TRPC4AP: variants seen among roughly 807,000 people sequenced by gnomAD.
TRPC4AP encodes the protein transient receptor potential cation channel subfamily C member 4 associated protein, also known as short transient receptor potential channel 4-associated protein.
TRPC4AP carries 45 observed loss-of-function variants against 99.0 expected under a neutral mutation model. The ratio of observed to expected loss-of-function variants is 0.45; its 90% CI spans 0.36 to 0.58. The LOEUF is 0.58. Ranked by LOEUF, TRPC4AP falls within the 20% of genes least tolerant of loss-of-function variation. The pLI is 0.00. For missense variants in TRPC4AP, 879 were observed against 985.3 expected (o/e 0.89, Z 1.44); for synonymous variants, 408 against 385.8 (o/e 1.06, Z -0.67).
At chr20:35,060,585 CAAAAAAA>C (rs35143678) in intron 3 of TRPC4AP, among the ~76,000 whole-genome samples, 49 of 70,384 alleles carry the variant, frequency 7.0e-4, no homozygotes, top group East Asian at 1.7e-3. Context: ...ACCTTGTCTC[CAAAAAAA>C]AAAAAAAAAA....
chr20:35,048,227 T>TAG (rs2083605836), intron 6 of TRPC4AP, among the ~76,000 whole-genome samples: 1 of 151,412 alleles, frequency 6.6e-6, no homozygotes, highest in Non-Finnish European at 1.5e-5. Flanking sequence ...TTTTTTTTTT[T>TAG]TTGAGAGGGA....
intron 10 of TRPC4AP, among the ~76,000 whole-genome samples, chr20:35,014,493 C>G (rs1352849408): frequency 2.6e-5 from 4 of 151,926 alleles, no homozygotes; most frequent in Non-Finnish European, 5.9e-5. Flanking sequence ...AAGACCCAAA[C>G]ACAAGCATTA....
chr20:35,043,825 C>A (rs140825259), intron 7 of TRPC4AP, among the ~76,000 whole-genome samples: 1 of 152,076 alleles, frequency 6.6e-6, no homozygotes, highest in Admixed American at 6.6e-5. Context: ...CAGTTGACCA[C>A]GGATAACTGA....
chr20:35,012,175 G>A (rs575735128), intron 11 of TRPC4AP, among the ~76,000 whole-genome samples: 113 of 152,248 alleles, frequency 7.4e-4, no homozygotes, highest in Middle Eastern at 3.2e-3. Context: ...GCTTTCAGCC[G>A]GAAAACCTCT....
intron 7 of TRPC4AP, among the ~76,000 whole-genome samples, chr20:35,037,769 T>A (rs185250102): frequency 6.6e-6 from 1 of 152,290 alleles, no homozygotes; most frequent in African/African-American, 2.4e-5. Context: ...TAATACTGTA[T>A]TTTTACTATA....
At chr20:35,075,390 TG>T (rs1569146320) in intron 2 of TRPC4AP, among the ~76,000 whole-genome samples, 10 of 152,354 alleles carry the variant, frequency 6.6e-5, no homozygotes, top group Middle Eastern at 3.4e-3. Context: ...TTGCAGTAGT[TG>T]GTATCGGTTG....
intron 8 of TRPC4AP, among the ~76,000 whole-genome samples, chr20:35,032,467 C>CTTTT (rs35808832): frequency 2.0e-4 from 19 of 95,218 alleles, no homozygotes; most frequent in South Asian, 1.1e-3. Context: ...GTTCTTTGAT[C>CTTTT]TTTTTTTTTT....
chr20:35,035,363 C>T, intron 7 of TRPC4AP, 55 bp from the exon 8 acceptor site: 1 of 1,543,690 alleles, frequency 6.5e-7, no homozygotes, highest in Non-Finnish European at 8.8e-7. Context: ...AGCAAAACTA[C>T]CCCTAAAGCC....
intron 6 of TRPC4AP, among the ~76,000 whole-genome samples, chr20:35,047,796 C>T (rs1164206075): frequency 6.6e-6 from 1 of 152,190 alleles, no homozygotes; most frequent in Non-Finnish European, 1.5e-5. Flanking sequence ...GGGTTTCAAT[C>T]CTAAGAATCA....
rs749161205 is a variant in TRPC4AP, at chr20:35,004,597, G to A, written c.1937-27C>T. ...TGTGGAGGGAGGCAGGGGTGCAGCA[G>A]GTCAGGCTTAGGCCCAGTGGCTGGG... is the stretch of plus-strand genomic sequence containing the variant. On this transcript the variant is annotated intron_variant, in intron 16 of 18. Coordinates refer to ENST00000252015, the MANE Select transcript of TRPC4AP (RefSeq NM_015638.3). 27 of 1,603,284 alleles carry A rather than the reference G, an allele frequency of 1.7e-5. No homozygotes were observed. The African/African-American group carries it at 2.8e-4, about 17-fold the overall frequency.
At position 35,010,184 on chromosome 20, in the gene TRPC4AP, CA is replaced by C; in HGVS notation, c.1511+2del. 1 of 1,613,884 alleles carries C rather than the reference CA, an allele frequency of 6.2e-7. No individual in the cohort carries two copies. On this transcript the variant is annotated splice_donor_variant, in intron 12 of 18. Coordinates refer to ENST00000252015, the MANE Select transcript of TRPC4AP (RefSeq NM_015638.3). LOFTEE classifies it high-confidence loss of function. ...GAGGGAAAAGCTGCACCCCTGCACT[CA>C]CCTGTCGGTGTTGAGGACAGCTTCC... is the stretch of plus-strand genomic sequence containing the variant.
chr20:35,032,168 G>A (rs1341822603), intron 8 of TRPC4AP, among the ~76,000 whole-genome samples: 7 of 152,190 alleles, frequency 4.6e-5, no homozygotes. Context: ...GGGATTACAG[G>A]TGTGCACCAC....
intron 8 of TRPC4AP, among the ~76,000 whole-genome samples, chr20:35,024,617 A>T (rs758242375): frequency 9.9e-5 from 15 of 152,012 alleles, no homozygotes; most frequent in Non-Finnish European, 1.9e-4. Flanking sequence ...TGAGTGCAGG[A>T]GTTTGAGACC....
At chr20:35,028,864 T>C (rs2083095759) in intron 8 of TRPC4AP, among the ~76,000 whole-genome samples, 2 of 152,370 alleles carry the variant, frequency 1.3e-5, no homozygotes, top group African/African-American at 2.4e-5. Flanking sequence ...GATGCATACA[T>C]GTTTATAACT....
At chr20:35,041,171 G>A (rs1015761114) in intron 7 of TRPC4AP, among the ~76,000 whole-genome samples, 5 of 102,824 alleles carry the variant, frequency 4.9e-5, no homozygotes, top group African/African-American at 1.0e-4. Flanking sequence ...CCTAGTCTAC[G>A]GTACCTTGTT....
chr20:35,020,609 C>A (rs1215922372), intron 9 of TRPC4AP, among the ~76,000 whole-genome samples: 1 of 152,158 alleles, frequency 6.6e-6, no homozygotes, highest in African/African-American at 2.4e-5. Flanking sequence ...CCTCTCCTGC[C>A]CCCATGCTTG....
At chr20:35,073,573 TTTA>T (rs1459740466) in intron 2 of TRPC4AP, among the ~76,000 whole-genome samples, 1 of 152,210 alleles carries the variant, frequency 6.6e-6, no homozygotes, top group African/African-American at 2.4e-5. Context: ...ATGGATTACG[TTTA>T]TTGATTTGCA....
intron 3 of TRPC4AP, among the ~76,000 whole-genome samples, chr20:35,062,269 A>T (rs1197820761): frequency 6.6e-6 from 1 of 152,246 alleles, no homozygotes; most frequent in Non-Finnish European, 1.5e-5. Context: ...CAGAGTTACC[A>T]GCAACTCCAC....
intron 2 of TRPC4AP, among the ~76,000 whole-genome samples, chr20:35,073,955 T>C (rs571164334): frequency 1.3e-5 from 2 of 152,338 alleles, no homozygotes; most frequent in South Asian, 2.1e-4. Flanking sequence ...GAGCCTGTTA[T>C]TGGTCTATTC....
Sources: gnomAD v4.1 joint callset for allele counts (sites outside exome capture counted in the v4.1 genomes callset) on GRCh38, gnomAD v4.1.1 for gene constraint, MANE v1.5 for transcripts, NCBI Gene and HGNC (gene_info 2026-07-23, HGNC 2026-07-21) for gene names.